FGF14: variants seen among roughly 807,000 people sequenced by gnomAD.
FGF14 encodes the protein fibroblast growth factor homologous factor 4.
Under a neutral mutation model 25.5 loss-of-function variants are expected in FGF14, and 5 were observed. That is an observed-to-expected ratio of 0.20 (90% confidence interval 0.10 to 0.41). The LOEUF is 0.41. Among genes scored for constraint, FGF14 ranks in the 10% least tolerant of loss-of-function variants. The pLI is 1.00. For synonymous variants in FGF14, 138 were observed against 118.3 expected (o/e 1.17, Z -1.08); for missense variants, 222 against 320.1 (o/e 0.69, Z 2.34).
intron 3 of FGF14, among the ~76,000 whole-genome samples, chr13:101,749,318 T>C (rs980464182): frequency 6.6e-6 from 1 of 152,052 alleles, no homozygotes; most frequent in East Asian, 1.9e-4. Flanking sequence ...TACCATGGAA[T>C]ATGACAGTAA....
intron 1 of FGF14, among the ~76,000 whole-genome samples, chr13:102,245,213 C>A (rs2051804560): frequency 6.6e-6 from 1 of 152,064 alleles, no homozygotes; most frequent in African/African-American, 2.4e-5. Context: ...CACAGACAGC[C>A]TCTCCGAAGA....
At chr13:102,089,201 A>T (rs1483746710) in intron 1 of FGF14, among the ~76,000 whole-genome samples, 1 of 152,198 alleles carries the variant, frequency 6.6e-6, no homozygotes, top group Non-Finnish European at 1.5e-5. Flanking sequence ...TTATGATCAC[A>T]ACACAGCCAG....
At chr13:102,068,031 A>G (rs1050165942) in intron 1 of FGF14, among the ~76,000 whole-genome samples, 11 of 152,210 alleles carry the variant, frequency 7.2e-5, no homozygotes, top group Non-Finnish European at 1.2e-4. Flanking sequence ...AAGGAAAAAA[A>G]TGTTACCCTA....
intron 1 of FGF14, among the ~76,000 whole-genome samples, chr13:102,077,774 C>A (rs192606124): frequency 1.5e-3 from 232 of 152,258 alleles, no homozygotes; most frequent in Non-Finnish European, 2.6e-3. Context: ...ACCCAGCAAT[C>A]CCACTACTGG....
At chr13:102,260,903 C>T (rs555958975) in intron 1 of FGF14, among the ~76,000 whole-genome samples, 35 of 152,304 alleles carry the variant, frequency 2.3e-4, no homozygotes, top group South Asian at 6.2e-4. Context: ...TACTTGCCAG[C>T]GCCTTTCCTA....
chr13:102,136,366 G>A (rs187994095), intron 1 of FGF14, among the ~76,000 whole-genome samples: 1 of 152,214 alleles, frequency 6.6e-6, no homozygotes, highest in East Asian at 1.9e-4. Context: ...AAAGTTTAGA[G>A]GGCATGTCCA....
chr13:102,086,476 G>A (rs1371228553), intron 1 of FGF14, among the ~76,000 whole-genome samples: 1 of 152,068 alleles, frequency 6.6e-6, no homozygotes, highest in Non-Finnish European at 1.5e-5. Context: ...CTTGCAGTGA[G>A]CCGAGATCGA....
intron 3 of FGF14, among the ~76,000 whole-genome samples, chr13:101,834,538 T>C (rs2042828077): frequency 6.6e-6 from 1 of 152,114 alleles, no homozygotes; most frequent in Admixed American, 6.6e-5. Flanking sequence ...TATGTGTTAT[T>C]ATTTTCAACA....
chr13:102,053,465 C>G (rs1253965122), intron 1 of FGF14, among the ~76,000 whole-genome samples: 1 of 151,982 alleles, frequency 6.6e-6, no homozygotes, highest in Non-Finnish European at 1.5e-5. Context: ...ACAACATGTT[C>G]CTGAACAACC....
At chr13:101,936,412 C>T (rs931618555) in intron 1 of FGF14, among the ~76,000 whole-genome samples, 1 of 152,154 alleles carries the variant, frequency 6.6e-6, no homozygotes. Context: ...TAAACATTGC[C>T]GAGTAACAGT....
At chr13:102,314,831 T>A (rs1247538818) in intron 1 of FGF14, among the ~76,000 whole-genome samples, 1 of 152,032 alleles carries the variant, frequency 6.6e-6, no homozygotes, top group Non-Finnish European at 1.5e-5. Context: ...CCAGAAGGGT[T>A]TGGTATTTCT....
chr13:102,236,856 T>A (rs1272588661), intron 1 of FGF14, among the ~76,000 whole-genome samples: 1 of 152,144 alleles, frequency 6.6e-6, no homozygotes, highest in Non-Finnish European at 1.5e-5. Flanking sequence ...CCTTCACTCA[T>A]GCCGAAGTGA....
At chr13:101,854,608 G>A (rs2044028103) in intron 3 of FGF14, among the ~76,000 whole-genome samples, 2 of 152,046 alleles carry the variant, frequency 1.3e-5, no homozygotes, top group Admixed American at 6.6e-5. Flanking sequence ...TTCTTGGAAA[G>A]CATTTCAAAT....
chr13:102,218,342 G>C (rs1287780704), intron 1 of FGF14, among the ~76,000 whole-genome samples: 4 of 152,132 alleles, frequency 2.6e-5, no homozygotes, highest in African/African-American at 7.2e-5. Flanking sequence ...ACAAGAAAAG[G>C]GTCTACCAGG....
intron 1 of FGF14, among the ~76,000 whole-genome samples, chr13:102,160,776 C>CTGAA (rs1284741036): frequency 6.6e-6 from 1 of 152,020 alleles, no homozygotes; most frequent in African/African-American, 2.4e-5. Context: ...GAGAAGAAGA[C>CTGAA]TGAATGCTCA....
At chr13:102,024,123 A>G (rs2040807951) in intron 1 of FGF14, among the ~76,000 whole-genome samples, 2 of 152,074 alleles carry the variant, frequency 1.3e-5, no homozygotes, top group South Asian at 4.1e-4. Flanking sequence ...TGTTTTTAAA[A>G]AATTTTCTTA....
intron 1 of FGF14, among the ~76,000 whole-genome samples, chr13:102,158,897 G>C (rs987286063): frequency 6.6e-6 from 1 of 152,110 alleles, no homozygotes; most frequent in East Asian, 1.9e-4. Flanking sequence ...TCAGCACTTT[G>C]GGAGGCCGAG....
At chr13:102,075,275 T>A (rs764397707) in intron 1 of FGF14, among the ~76,000 whole-genome samples, 18 of 152,212 alleles carry the variant, frequency 1.2e-4, no homozygotes, top group Non-Finnish European at 2.5e-4. Flanking sequence ...ATATGCTAAC[T>A]ATGAACTATC....
chr13:101,889,584 T>C (rs543477841), intron 1 of FGF14, among the ~76,000 whole-genome samples: 1 of 152,248 alleles, frequency 6.6e-6, no homozygotes, highest in African/African-American at 2.4e-5. Context: ...CATCTCCACA[T>C]TGGGAAATAG....
Sources: gnomAD v4.1 joint callset for allele counts (sites outside exome capture counted in the v4.1 genomes callset) on GRCh38, gnomAD v4.1.1 for gene constraint, MANE v1.5 for transcripts, NCBI Gene and HGNC (gene_info 2026-07-23, HGNC 2026-07-21) for gene names.